The following PCDH15 variants were observed in gnomAD, a reference collection of about 807,000 sequenced individuals.
The protein encoded by PCDH15 is protocadherin related 15, also known as protocadherin-15.
Under a neutral mutation model 178.5 loss-of-function variants are expected in PCDH15, and 129 were observed. The ratio of observed to expected loss-of-function variants is 0.72; its 90% confidence interval spans 0.63 to 0.84. PCDH15 has a LOEUF of 0.84. Among genes scored for constraint, PCDH15 ranks in the 40% least tolerant of loss-of-function variants. The probability of loss-of-function intolerance (pLI) is 0.00; values close to 1 mark genes in which losing one functional copy is unlikely to be tolerated. For synonymous variants in PCDH15, 800 were observed against 732.0 expected (o/e 1.09, Z -1.50); for missense variants, 2,230 against 2,099.9 (o/e 1.06, Z -1.21).
intron 1 of PCDH15, among the ~76,000 whole-genome samples, chr10:54,669,780 C>T (rs2094628547): frequency 6.6e-6 from 1 of 150,962 alleles, no homozygotes; most frequent in African/African-American, 2.4e-5. Flanking sequence ...TGGCCAGGCG[C>T]GGTGGATCAC....
chr10:54,779,481 T>TATATATACACAC (rs767477106), intron 1 of PCDH15, among the ~76,000 whole-genome samples: 11,550 of 74,054 alleles, frequency 0.16, 1,042 homozygotes, highest in Middle Eastern at 0.25. Flanking sequence ...TATACACACA[T>TATATATACACAC]ATATATGTAT....
chr10:54,876,911 T>C (rs1954155160), intron 3 of PCDH15, among the ~76,000 whole-genome samples: 1 of 152,206 alleles, frequency 6.6e-6, no homozygotes. Flanking sequence ...AAAGAAGTCC[T>C]GTTTTGGTTA....
chr10:54,856,989 A>G (rs1289826602), intron 3 of PCDH15, among the ~76,000 whole-genome samples: 1 of 151,910 alleles, frequency 6.6e-6, no homozygotes, highest in East Asian at 1.9e-4. Flanking sequence ...TTTCCTTCTT[A>G]TCCTTAAATC....
At position 54,755,493 on chromosome 10, in the gene PCDH15, C is replaced by A. The variant is rs983016180; in HGVS notation, c.-29+45432G>T. ...TCTAGAATTATATTTCTTAGTCACA[C>A]CTTACTGCAAATTATATTAATTGGA... On this transcript the variant is annotated intron_variant, in intron 1 of 37. Coordinates refer to ENST00000644397, the MANE Select transcript of PCDH15 (RefSeq NM_001384140.1). Among the ~76,000 whole-genome samples, 4 of 151,966 alleles carry A rather than the reference C, an allele frequency of 2.6e-5. No homozygotes were observed. In the South Asian group the frequency reaches 6.2e-4, roughly 24 times the overall value.
chr10:54,828,058 C>T (rs1244712375), intron 3 of PCDH15, among the ~76,000 whole-genome samples: 1 of 151,952 alleles, frequency 6.6e-6, no homozygotes, highest in African/African-American at 2.4e-5. Flanking sequence ...TTGGATATTT[C>T]ATAAATGCTG....
chr10:54,173,087 A>G (rs575922301), intron 13 of PCDH15, among the ~76,000 whole-genome samples: 24 of 152,336 alleles, frequency 1.6e-4, no homozygotes, highest in African/African-American at 5.5e-4. Context: ...CTTCAAATTT[A>G]TCAAATGGGA....
chr10:53,957,662 G>A (rs751686938), intron 23 of PCDH15, among the ~76,000 whole-genome samples: 11 of 151,980 alleles, frequency 7.2e-5, no homozygotes, highest in South Asian at 2.1e-4. Context: ...TAAAACTTAC[G>A]AATTGTTTAT....
intron 20 of PCDH15, among the ~76,000 whole-genome samples, chr10:54,006,519 T>G (rs2092392096): frequency 6.6e-6 from 1 of 152,178 alleles, no homozygotes; most frequent in Admixed American, 6.5e-5. Context: ...TTCTGTTTTG[T>G]TTGAGTCTGG....
chr10:55,355,424 G>A (rs1028611459), intron 2 of PCDH15, among the ~76,000 whole-genome samples: 1 of 151,880 alleles, frequency 6.6e-6, no homozygotes, highest in African/African-American at 2.4e-5. Context: ...TGTTTATTGT[G>A]TGTGATATTC....
At chr10:54,963,780 A>C (rs556078790) in intron 2 of PCDH15, among the ~76,000 whole-genome samples, 2 of 152,284 alleles carry the variant, frequency 1.3e-5, no homozygotes, top group African/African-American at 4.8e-5. Context: ...GTCCTTCATT[A>C]ATGTGTTTGC....
intron 2 of PCDH15, among the ~76,000 whole-genome samples, chr10:54,622,684 T>TTA (rs1248264891): frequency 2.7e-4 from 6 of 22,330 alleles, no homozygotes; most frequent in Non-Finnish European, 5.8e-4. Context: ...ATAATATATA[T>TTA]TATATAATAT....
At chr10:54,171,825 T>C (rs2046939658) in intron 13 of PCDH15, among the ~76,000 whole-genome samples, 2 of 151,884 alleles carry the variant, frequency 1.3e-5, no homozygotes, top group South Asian at 2.1e-4. Context: ...CCAATCATTC[T>C]ATATGACAAA....
At chr10:55,548,698 C>T (rs1841942000) in intron 2 of PCDH15, among the ~76,000 whole-genome samples, 1 of 152,042 alleles carries the variant, frequency 6.6e-6, no homozygotes, top group Non-Finnish European at 1.5e-5. Flanking sequence ...AAAGTCTTTT[C>T]CATGAGTACT....
At chr10:54,113,380 C>T (rs551600568) in intron 15 of PCDH15, among the ~76,000 whole-genome samples, 9 of 152,286 alleles carry the variant, frequency 5.9e-5, no homozygotes, top group African/African-American at 1.9e-4. Context: ...TCCAACTCTA[C>T]ATCATTCTCT....
At chr10:55,021,719 A>G (rs987553671) in intron 2 of PCDH15, among the ~76,000 whole-genome samples, 2 of 152,206 alleles carry the variant, frequency 1.3e-5, no homozygotes, top group Admixed American at 6.5e-5. Context: ...TGAAAATCCA[A>G]TAAGTGATGT....
chr10:55,001,008 T>C (rs893319814), intron 2 of PCDH15, among the ~76,000 whole-genome samples: 4 of 152,086 alleles, frequency 2.6e-5, no homozygotes, highest in Admixed American at 6.5e-5. Flanking sequence ...TCAGCTAGAC[T>C]CACACACTCT....
intron 7 of PCDH15, among the ~76,000 whole-genome samples, chr10:54,318,175 G>A (rs1471862408): frequency 6.6e-6 from 1 of 152,190 alleles, no homozygotes; most frequent in Non-Finnish European, 1.5e-5. Flanking sequence ...AATAGTCAAG[G>A]AAGAAGCCCG....
chr10:55,000,664 T>C (rs1839776541), intron 2 of PCDH15, among the ~76,000 whole-genome samples: 1 of 152,216 alleles, frequency 6.6e-6, no homozygotes, highest in South Asian at 2.1e-4. Context: ...ACAATTTATG[T>C]TCAGAGATTG....
intron 8 of PCDH15, among the ~76,000 whole-genome samples, chr10:54,242,128 T>TATATATA (rs2055383993): frequency 1.6e-5 from 1 of 62,022 alleles, no homozygotes; most frequent in African/African-American, 7.6e-5. Flanking sequence ...TGAATTCTAT[T>TATATATA]TTTATATATA....
Sources: gnomAD v4.1 joint callset for allele counts (sites outside exome capture counted in the v4.1 genomes callset) on GRCh38, gnomAD v4.1.1 for gene constraint, MANE v1.5 for transcripts, NCBI Gene and HGNC (gene_info 2026-07-23, HGNC 2026-07-21) for gene names.